Variants in TIPIN observed in about 807,000 individuals in gnomAD.
The protein encoded by TIPIN is TIMELESS-interacting protein.
Under a neutral mutation model 35.6 loss-of-function variants are expected in TIPIN, and 29 were observed. The ratio of observed to expected loss-of-function variants is 0.82; its 90% confidence interval spans 0.61 to 1.11. TIPIN has a LOEUF of 1.11. Among genes scored for constraint, TIPIN ranks in the 50% most tolerant of loss-of-function variants. TIPIN has a pLI of 0.00. For synonymous variants in TIPIN, 102 were observed against 121.5 expected (o/e 0.84, Z 1.06); for missense variants, 296 against 345.4 (o/e 0.86, Z 1.13).
Position 66,337,073 on chromosome 15 carries a change from C to T in TIPIN, c.791G>A (p.Cys264Tyr), listed in dbSNP as rs1297816223. ...GLNEDILDNP[C>Y]NDAIANTLNE... The stretch of plus-strand genomic sequence containing the variant: ...TAAAGTATTGGCAATAGCATCATTA[C>T]ATGGATTGTCCAGAATGTCTTCGTT... The change falls in exon 8 of 8, where the codon TGT becomes TAT. Residue 264 changes from cysteine to tyrosine, a missense_variant. By Grantham distance (194) the Cys-to-Tyr change is radical. Transcript: ENST00000261881. 6.2e-7 allele frequency: 1 copy of T among 1,614,116 alleles called. No homozygotes were observed. Among genetic ancestry groups the T allele is most frequent in the Non-Finnish European group, 8.5e-7 (1 of 1,180,006 alleles).
At position 66,352,875 on chromosome 15, in the gene TIPIN, G is replaced by C. The variant is rs2093177820; in HGVS notation, c.73C>G (p.Pro25Ala). The change falls in exon 2 of 8, where the codon CCT becomes GCT. Residue 25 changes from proline to alanine, a missense_variant. By Grantham distance (27) the Pro-to-Ala change is conservative (BLOSUM62 -1). Transcript: ENST00000261881. The part of the protein sequence containing the change: ...YEHVEDETFP[P>A]FPPPASPERQ... ...TCTGGAGAGGCTGGAGGTGGGAAAG[G>C]AGGAAAAGTTTCATCTTCTACATGC... 1.9e-6 allele frequency: 3 copies of C among 1,613,994 alleles called. No individual in the cohort carries two copies. The highest frequency in any genetic ancestry group is 2.7e-5 in the African/African-American group (2 of 75,028).
upstream of TIPIN, among the ~76,000 whole-genome samples, chr15:66,360,923 A>C (rs545601480): frequency 2.0e-5 from 3 of 152,184 alleles, no homozygotes; most frequent in Non-Finnish European, 4.4e-5. Flanking sequence ...CCAAGATCGC[A>C]CCACTGTACT....
intron 1 of TIPIN, among the ~76,000 whole-genome samples, chr15:66,364,246 A>G (rs951529275): frequency 7.0e-6 from 1 of 143,410 alleles, no homozygotes; most frequent in Non-Finnish European, 1.5e-5. Flanking sequence ...ACTCACTGCA[A>G]CCTCTGCCTC....
chr15:66,341,246 T>C lies in TIPIN; in HGVS notation c.586A>G (p.Thr196Ala). 1.2e-6 allele frequency: 2 copies of C among 1,613,876 alleles called. No homozygotes were observed. Among genetic ancestry groups the C allele is most frequent in the Non-Finnish European group, 1.7e-6 (2 of 1,180,028 alleles). ...MFASELSRSL[T>A]EEQQQRIERN... ...TCAATTCTTTGTTGTTGCTCTTCTGTTAGGCTTCTACTTAACTCAGAAGCA... is the reference window on the plus strand; with the variant it reads ...TCAATTCTTTGTTGTTGCTCTTCTGCTAGGCTTCTACTTAACTCAGAAGCA... The change falls in exon 7 of 8, where the codon ACA (threonine) becomes GCA (alanine). Residue 196 changes from threonine to alanine, a missense_variant. Thr to Ala is a moderately conservative substitution (Grantham distance 58). Transcript: ENST00000261881.
Position 66,379,528 on chromosome 15 carries a change from G to C in TIPIN, c.-9+7079C>G, listed in dbSNP as rs985306628. 4 of 1,610,230 alleles carry C rather than the reference G, an allele frequency of 2.5e-6. No homozygotes were observed. In the South Asian group the frequency reaches 4.4e-5, roughly 18 times the overall value. ...TGAGATACTGAACAAGCAACACCTG[G>C]TCTCATCCGCACCCTGCGGATGTAT... On this transcript the variant is annotated intron_variant, in intron 1 of 7. Transcript: ENST00000562124.
At chr15:66,355,532 G>A (rs879706312) in intron 1 of TIPIN, among the ~76,000 whole-genome samples, 21 of 151,650 alleles carry the variant, frequency 1.4e-4, no homozygotes, top group Admixed American at 6.6e-5. Flanking sequence ...GACGGATCAT[G>A]AGGTCAGGAG....
At chr15:66,363,370 A>G (rs191102380) in intron 1 of TIPIN, among the ~76,000 whole-genome samples, 339 of 150,510 alleles carry the variant, frequency 2.3e-3, no homozygotes, top group Non-Finnish European at 2.2e-3. Flanking sequence ...TAGGCCGGGC[A>G]CGGTGGCTCA....
chr15:66,380,588 G>T (rs914264531), intron 1 of TIPIN, among the ~76,000 whole-genome samples: 1 of 152,102 alleles, frequency 6.6e-6, no homozygotes, highest in Non-Finnish European at 1.5e-5. Flanking sequence ...GCCGAGGTGG[G>T]TGAATCACCT....
chr15:66,347,236 G>A (rs190529263), intron 6 of TIPIN: 58 of 517,756 alleles, frequency 1.1e-4, no homozygotes, highest in Admixed American at 9.7e-4. Context: ...CAGAAAATCT[G>A]ATAACTATAC....
At chr15:66,367,071 T>G (rs1464719647) in intron 1 of TIPIN, among the ~76,000 whole-genome samples, 1 of 151,922 alleles carries the variant, frequency 6.6e-6, no homozygotes, top group Non-Finnish European at 1.5e-5. Flanking sequence ...TTCCAGCTAC[T>G]TAGGAGGCTG....
At chr15:66,349,954 G>GT (rs909983517) in intron 4 of TIPIN, among the ~76,000 whole-genome samples, 22 of 97,828 alleles carry the variant, frequency 2.2e-4, no homozygotes, top group South Asian at 9.5e-4. Flanking sequence ...GGTTTTTTTT[G>GT]TTTTTTTGGT....
At chr15:66,339,156 A>G (rs1369522370) in intron 7 of TIPIN, among the ~76,000 whole-genome samples, 7,397 of 63,136 alleles carry the variant, frequency 0.12, 2,756 homozygotes, top group East Asian at 0.23. Context: ...AAAAAAAAAA[A>G]AGCAAAAAGA....
chr15:66,370,440 G>T lies in TIPIN; in HGVS notation c.-9+16167C>A, dbSNP rs1312789828. Among the ~76,000 whole-genome samples, 9 of 149,854 alleles carry T rather than the reference G, an allele frequency of 6.0e-5. No individual in the cohort carries two copies. The Admixed American group carries it at 6.1e-4, about 10-fold the overall frequency. Reference sequence around the variant, plus strand: ...TCATTGCATTCAGAATGTCGGACGTGAAGAACCAAGGAAGCGGATGTCCTT... The same window carrying T: ...TCATTGCATTCAGAATGTCGGACGTTAAGAACCAAGGAAGCGGATGTCCTT... On this transcript the variant is annotated intron_variant, in intron 1 of 7. Coordinates refer to the TIPIN transcript ENST00000562124.
chr15:66,379,894 G>A, intron 1 of TIPIN: 2 of 1,548,056 alleles, frequency 1.3e-6, no homozygotes, highest in South Asian at 1.1e-5. Flanking sequence ...TCGACAGTCT[G>A]ATTAATGAGA....
At chr15:66,351,793 C>A (rs1276532686) in intron 3 of TIPIN, among the ~76,000 whole-genome samples, 193 bp from the exon 4 acceptor site, 1 of 152,016 alleles carries the variant, frequency 6.6e-6, no homozygotes. Context: ...GCACCCACCA[C>A]TGCACCCAGC....
intron 7 of TIPIN, among the ~76,000 whole-genome samples, 176 bp from the exon 8 acceptor site, chr15:66,337,357 G>A (rs540961474): frequency 9.7e-5 from 14 of 144,110 alleles, no homozygotes; most frequent in Non-Finnish European, 1.7e-4. Context: ...ATGGAGTCTC[G>A]CTCCATCACT....
chr15:66,350,107 G>A (rs1284167323), intron 4 of TIPIN, among the ~76,000 whole-genome samples: 5 of 151,926 alleles, frequency 3.3e-5, no homozygotes, highest in Non-Finnish European at 2.9e-5. Flanking sequence ...GATTAGAGGT[G>A]TGCGCCACCA....
intron 1 of TIPIN, among the ~76,000 whole-genome samples, chr15:66,374,082 A>G (rs1404332417): frequency 1.3e-5 from 2 of 152,166 alleles, no homozygotes; most frequent in Non-Finnish European, 2.9e-5. Context: ...TATACATAAT[A>G]AAACATTTAC....
upstream of TIPIN, chr15:66,356,807 CA>C: frequency 4.6e-6 from 4 of 865,134 alleles, no homozygotes; most frequent in Non-Finnish European, 5.6e-6. Context: ...TTCCGCCCAG[CA>C]CGCCGGTCCC....
Sources: allele counts gnomAD v4.1 joint callset (sites outside exome capture counted in the v4.1 genomes callset), GRCh38; gene constraint gnomAD v4.1.1; transcripts MANE v1.5; gene names NCBI Gene and HGNC (gene_info 2026-07-23, HGNC 2026-07-21).